KCNK1: variants seen among roughly 807,000 people sequenced by gnomAD.
KCNK1 encodes the protein potassium two pore domain channel subfamily K member 1.
A neutral mutation model predicts 22.2 loss-of-function variants in KCNK1; 10 were observed. That is an observed-to-expected ratio of 0.45 (90% CI 0.28 to 0.76). The LOEUF (loss-of-function observed/expected upper bound fraction) is 0.76, where lower values mean the gene tolerates loss of function less well. Among genes scored for constraint, KCNK1 ranks in the 30% least tolerant of loss-of-function variants. KCNK1 has a pLI of 0.14. For synonymous variants in KCNK1, 200 were observed against 186.4 expected (o/e 1.07, Z -0.60); for missense variants, 378 against 421.0 (o/e 0.90, Z 0.89).
At chr1:233,619,028 A>AT (rs1657533064) in intron 1 of KCNK1, among the ~76,000 whole-genome samples, 1 of 151,860 alleles carries the variant, frequency 6.6e-6, no homozygotes, top group Non-Finnish European at 1.5e-5. Flanking sequence ...GTTTATTTTT[A>AT]TTTTTTGGAG....
At chr1:233,652,720 A>G (rs1274047023) in intron 1 of KCNK1, among the ~76,000 whole-genome samples, 1 of 152,192 alleles carries the variant, frequency 6.6e-6, no homozygotes, top group Non-Finnish European at 1.5e-5. Context: ...AATGCTTTCA[A>G]GCACGTCTCC....
intron 1 of KCNK1, among the ~76,000 whole-genome samples, chr1:233,645,944 C>G (rs921329600): frequency 6.6e-6 from 1 of 152,054 alleles, no homozygotes; most frequent in Non-Finnish European, 1.5e-5. Context: ...GGTATTTGGT[C>G]TGAAGAACTA....
chr1:233,640,924 T>G (rs1571896414), intron 1 of KCNK1, among the ~76,000 whole-genome samples: 1 of 152,300 alleles, frequency 6.6e-6, no homozygotes, highest in East Asian at 1.9e-4. Flanking sequence ...AGGCTGGTCT[T>G]GAACTCCTGA....
At chr1:233,670,513 A>G (rs1322904961) in intron 2 of KCNK1, among the ~76,000 whole-genome samples, 1 of 152,240 alleles carries the variant, frequency 6.6e-6, no homozygotes, top group Non-Finnish European at 1.5e-5. Context: ...GGGAAGCCTC[A>G]CAATCATGGT....
At chr1:233,622,620 A>G (rs1657611112) in intron 1 of KCNK1, among the ~76,000 whole-genome samples, 1 of 152,178 alleles carries the variant, frequency 6.6e-6, no homozygotes, top group African/African-American at 2.4e-5. Context: ...TTGCAAGGTG[A>G]TGCCCCCGAT....
chr1:233,628,306 A>C (rs563178260), intron 1 of KCNK1, among the ~76,000 whole-genome samples: 55 of 152,338 alleles, frequency 3.6e-4, no homozygotes, highest in Non-Finnish European at 6.5e-4. Context: ...AGAGGGAAGG[A>C]TGGAAGGAGG....
Position 233,642,671 on chromosome 1 carries a change from G to C in KCNK1, c.356-23924G>C, listed in dbSNP as rs1658018907. ...GGCCATGGGAAGTGATGCTGTGGGG[G>C]ATGGACGGGTAGAACAACCCAAACT... is the stretch of plus-strand genomic sequence containing the variant. On this transcript the variant is annotated intron_variant, in intron 1 of 2. Transcript: ENST00000366621. Among the ~76,000 whole-genome samples the C allele has an allele frequency of 2.0e-5, 3 of 152,334 alleles. No individual in the cohort carries two copies. The South Asian group carries it at 6.2e-4, about 32-fold the overall frequency.
chr1:233,617,219 T>A (rs1161970754), intron 1 of KCNK1, among the ~76,000 whole-genome samples: 1 of 152,206 alleles, frequency 6.6e-6, no homozygotes, highest in Non-Finnish European at 1.5e-5. Flanking sequence ...CCATGAGTGC[T>A]TTTATGTCAG....
chr1:233,650,732 C>T, intron 1 of KCNK1, among the ~76,000 whole-genome samples: 1 of 150,896 alleles, frequency 6.6e-6, no homozygotes, highest in East Asian at 1.9e-4. Context: ...GAAGCAGAAC[C>T]AGGATTCAAA....
chr1:233,643,614 C>T (rs1419753181), intron 1 of KCNK1, among the ~76,000 whole-genome samples: 1 of 152,122 alleles, frequency 6.6e-6, no homozygotes, highest in Non-Finnish European at 1.5e-5. Context: ...ACTTGGACCT[C>T]ATAAATGGGT....
chr1:233,634,082 C>T (rs895673426), intron 1 of KCNK1, among the ~76,000 whole-genome samples: 2 of 152,006 alleles, frequency 1.3e-5, no homozygotes, highest in African/African-American at 2.4e-5. Flanking sequence ...CCGAGGCGGG[C>T]GAATCACAAG....
At chr1:233,619,162 C>T (rs931621812) in intron 1 of KCNK1, among the ~76,000 whole-genome samples, 5 of 152,054 alleles carry the variant, frequency 3.3e-5, no homozygotes, top group Non-Finnish European at 5.9e-5. Context: ...GGACTACAGG[C>T]GCACACCACC....
chr1:233,623,813 A>G (rs12076558), intron 1 of KCNK1, among the ~76,000 whole-genome samples: 19,499 of 152,104 alleles, frequency 0.13, 1,397 homozygotes, highest in South Asian at 0.17. Flanking sequence ...GCTGGTCTTG[A>G]ACTCCTGGCC....
At chr1:233,617,147 A>G (rs1657501416) in intron 1 of KCNK1, among the ~76,000 whole-genome samples, 1 of 152,136 alleles carries the variant, frequency 6.6e-6, no homozygotes, top group Non-Finnish European at 1.5e-5. Context: ...TGACTTATTC[A>G]GAATGCTAAC....
chr1:233,632,225 T>C (rs1657810480), intron 1 of KCNK1, among the ~76,000 whole-genome samples: 1 of 152,228 alleles, frequency 6.6e-6, no homozygotes, highest in African/African-American at 2.4e-5. Context: ...CTTAAGTTAA[T>C]GATTTCTTTG....
At chr1:233,656,313 T>C (rs1658294179) in intron 1 of KCNK1, among the ~76,000 whole-genome samples, 3 of 152,222 alleles carry the variant, frequency 2.0e-5, no homozygotes, top group Non-Finnish European at 4.4e-5. Flanking sequence ...AGAAGTTTCA[T>C]TGGCACCAGT....
At chr1:233,620,007 G>A (rs1343541798) in intron 1 of KCNK1, among the ~76,000 whole-genome samples, 1 of 152,004 alleles carries the variant, frequency 6.6e-6, no homozygotes, top group Non-Finnish European at 1.5e-5. Context: ...CCCACCACCT[G>A]TTTTTGTACT....
chr1:233,657,135 T>C (rs1558117996), intron 1 of KCNK1, among the ~76,000 whole-genome samples: 1 of 152,140 alleles, frequency 6.6e-6, no homozygotes, highest in Non-Finnish European at 1.5e-5. Flanking sequence ...TCTGGGAGGA[T>C]GGGCAGTGAG....
chr1:233,628,588 T>C (rs1432942090), intron 1 of KCNK1, among the ~76,000 whole-genome samples: 1 of 151,984 alleles, frequency 6.6e-6, no homozygotes, highest in Non-Finnish European at 1.5e-5. Flanking sequence ...GGTGAAACCC[T>C]CATCTCTACT....
Sources: gnomAD v4.1 joint callset for allele counts (sites outside exome capture counted in the v4.1 genomes callset) on GRCh38, gnomAD v4.1.1 for gene constraint, MANE v1.5 for transcripts, NCBI Gene and HGNC (gene_info 2026-07-23, HGNC 2026-07-21) for gene names.